Variants in SLC8B1 observed in about 807,000 individuals in gnomAD.
SLC8B1 encodes solute carrier family 8 member B1, also known as mitochondrial sodium/calcium exchanger protein.
Under a neutral mutation model 63.4 loss-of-function variants are expected in SLC8B1, and 52 were observed. That is an observed-to-expected ratio of 0.82 (90% CI 0.66 to 1.03). The LOEUF (loss-of-function observed/expected upper bound fraction) is 1.03, where lower values mean the gene tolerates loss of function less well. SLC8B1 is among the 50% of genes least tolerant of loss of function. SLC8B1 has a pLI of 0.00. For synonymous variants in SLC8B1, 336 were observed against 323.9 expected, an observed-to-expected ratio of 1.04 and a Z score of -0.40; for missense variants, 657 against 741.7, an observed-to-expected ratio of 0.89 and a Z score of 1.33.
Position 113,332,930 on chromosome 12 carries a change from T to G in SLC8B1, c.-52A>C. On this transcript the variant is annotated 5_prime_UTR_variant, in exon 2 of 16. Coordinates refer to ENST00000680972, the MANE Select transcript of SLC8B1 (RefSeq NM_001358345.2). ...TCTCCACTTCCCTTTCTGCAGTAGCTCAGTTCCAAACAGCTGGCGGCTCCG... is the reference window on the plus strand; with the variant it reads ...TCTCCACTTCCCTTTCTGCAGTAGCGCAGTTCCAAACAGCTGGCGGCTCCG... 6.3e-7 allele frequency: 1 copy of G among 1,596,562 alleles called. No individual in the cohort carries two copies. Among genetic ancestry groups the G allele is most frequent in the Non-Finnish European group, 8.5e-7 (1 of 1,173,502 alleles).
chr12:113,318,937 T>C, intron 8 of SLC8B1, 27 bp downstream of exon 8: 1 of 1,590,614 alleles, frequency 6.3e-7, no homozygotes, highest in South Asian at 1.1e-5. Context: ...CCACTGGTCC[T>C]CTCTGGGGTC....
chr12:113,309,070 G>A (rs1311646338), intron 12 of SLC8B1, among the ~76,000 whole-genome samples: 1 of 151,776 alleles, frequency 6.6e-6, no homozygotes, highest in Non-Finnish European at 1.5e-5. Context: ...GGCCAGACTG[G>A]TCTCAAACTC....
intron 1 of SLC8B1, among the ~76,000 whole-genome samples, chr12:113,334,110 C>T (rs1370366692): frequency 6.6e-6 from 1 of 152,188 alleles, no homozygotes; most frequent in African/African-American, 2.4e-5. Flanking sequence ...TTGAGTTGCT[C>T]AAAGACCGCG....
intron 13 of SLC8B1, 31 bp from the exon 14 acceptor site, chr12:113,306,606 T>G: frequency 1.3e-6 from 2 of 1,593,848 alleles, no homozygotes; most frequent in Non-Finnish European, 1.7e-6. Context: ...CCTGCAGTGG[T>G]GAGTCGCTTC....
chr12:113,312,458 G>C (rs770561846), intron 11 of SLC8B1, among the ~76,000 whole-genome samples: 2 of 152,068 alleles, frequency 1.3e-5, no homozygotes, highest in Non-Finnish European at 2.9e-5. Flanking sequence ...GTCTTTGAGT[G>C]GGGGAGTGAC....
At chr12:113,328,327 C>A (rs1241072645) in intron 2 of SLC8B1, among the ~76,000 whole-genome samples, 1 of 152,186 alleles carries the variant, frequency 6.6e-6, no homozygotes, top group African/African-American at 2.4e-5. Flanking sequence ...CCAAGCCTGG[C>A]CAGAAATTTT....
At position 113,317,013 on chromosome 12, in the gene SLC8B1, A is replaced by G. The variant is rs1031730194; in HGVS notation, c.803-12T>C. 6.2e-7 allele frequency: 1 copy of G among 1,610,652 alleles called. No individual in the cohort carries two copies. The highest frequency in any genetic ancestry group is 1.3e-5 in the African/African-American group (1 of 75,028). On this transcript the variant is annotated splice_polypyrimidine_tract_variant and intron_variant, in intron 8 of 15. Coordinates refer to ENST00000680972, the MANE Select transcript of SLC8B1 (RefSeq NM_001358345.2). ...GTCTGAGAGGATCTCTGCAGGAGAG[A>G]GGCCCAGTTACATACAGAACCCAGA...
chr12:113,317,135 T>G (rs1181861067), intron 8 of SLC8B1, 134 bp from the exon 9 acceptor site: 3 of 788,978 alleles, frequency 3.8e-6, no homozygotes, highest in Non-Finnish European at 2.1e-6. Context: ...GATCTTTCTC[T>G]GTCACCCAGG....
At position 113,320,790 on chromosome 12, in the gene SLC8B1, C is replaced by T; in HGVS notation, c.420+60G>A. On this transcript the variant is annotated intron_variant, in intron 5 of 15. Coordinates refer to ENST00000680972, the MANE Select transcript of SLC8B1 (RefSeq NM_001358345.2). This position sits in a 1 kb window ranked among gnomAD's most constrained non-coding sequence, Gnocchi z 5.3. ...CACACGGGGATAGACATGACCCTAT[C>T]TCCCAGCCTCCCCACAACTGCCCTC... 2.5e-6 allele frequency: 4 copies of T among 1,578,190 alleles called. No homozygotes were observed.
At chr12:113,330,987 T>C (rs1469905146) in intron 2 of SLC8B1, among the ~76,000 whole-genome samples, 1 of 152,120 alleles carries the variant, frequency 6.6e-6, no homozygotes, top group African/African-American at 2.4e-5. Context: ...GTAGCCTGTC[T>C]CAACAGGCTG....
chr12:113,303,075 C>CGT (rs1461635384), intron 15 of SLC8B1, among the ~76,000 whole-genome samples: 21 of 151,016 alleles, frequency 1.4e-4, no homozygotes, highest in Admixed American at 9.2e-4. Flanking sequence ...CACACGTACA[C>CGT]ACACACACAC....
At chr12:113,301,637 C>T (rs879472284) in intron 15 of SLC8B1, among the ~76,000 whole-genome samples, 6 of 152,152 alleles carry the variant, frequency 3.9e-5, no homozygotes, top group Admixed American at 2.0e-4. Context: ...CCGCACCCAG[C>T]CCATAAGGTT....
chr12:113,325,990 G>A (rs750465669), intron 2 of SLC8B1, among the ~76,000 whole-genome samples: 7 of 152,164 alleles, frequency 4.6e-5, no homozygotes, highest in African/African-American at 9.7e-5. Context: ...ACACTCCTGC[G>A]AGGCAAATGG....
intron 8 of SLC8B1, among the ~76,000 whole-genome samples, chr12:113,318,210 CATAT>C (rs375963322): frequency 1.8e-4 from 27 of 150,902 alleles, no homozygotes; most frequent in African/African-American, 5.6e-4. Flanking sequence ...TGCATGTATT[CATAT>C]ATGTGTTGTA....
intron 15 of SLC8B1, among the ~76,000 whole-genome samples, chr12:113,300,470 A>G (rs1469971985): frequency 6.6e-6 from 1 of 152,164 alleles, no homozygotes; most frequent in Non-Finnish European, 1.5e-5. Flanking sequence ...GTGATGGAGT[A>G]AGACTCTGTC....
At chr12:113,312,841 TCCC>T (rs1956782505) in intron 11 of SLC8B1, among the ~76,000 whole-genome samples, 1 of 152,158 alleles carries the variant, frequency 6.6e-6, no homozygotes, top group Admixed American at 6.5e-5. Flanking sequence ...CCTGCTCTTC[TCCC>T]TAGTACAGGC....
chr12:113,326,530 G>A (rs1407706434), intron 2 of SLC8B1, among the ~76,000 whole-genome samples: 3 of 152,144 alleles, frequency 2.0e-5, no homozygotes, highest in Non-Finnish European at 1.5e-5. Flanking sequence ...ACCACGCCTG[G>A]CTGATTTTTT....
chr12:113,317,450 C>G (rs957094679), intron 8 of SLC8B1, among the ~76,000 whole-genome samples: 4 of 152,218 alleles, frequency 2.6e-5, no homozygotes, highest in African/African-American at 9.6e-5. Flanking sequence ...GGGATTCTTA[C>G]ACAGTGAAAG....
At position 113,319,561 on chromosome 12, in the gene SLC8B1, C is replaced by A. The variant is rs140107739; in HGVS notation, c.695-490G>T. Among the ~76,000 whole-genome samples the A allele has an allele frequency of 5.4e-4, 82 of 152,302 alleles. No homozygotes were observed. In the South Asian group the frequency reaches 1.0e-2, roughly 18 times the overall value. On this transcript the variant is annotated intron_variant, in intron 7 of 15. Transcript: ENST00000680972. ...CAACTCTCACTGGGCTCCACCACCC[C>A]CTTCCCTGCCCCTGCTGCCACGAGG...
Sources: gnomAD v4.1 joint callset for allele counts (sites outside exome capture counted in the v4.1 genomes callset) on GRCh38, gnomAD v4.1.1 for gene constraint, Gnocchi (gnomAD v3.1) non-coding constraint, MANE v1.5 for transcripts, NCBI Gene and HGNC (gene_info 2026-07-23, HGNC 2026-07-21) for gene names.